NPAS3: variants seen among roughly 807,000 people sequenced by gnomAD.
The protein encoded by NPAS3 is neuronal PAS domain-containing protein 3.
In NPAS3, 14 loss-of-function variants were observed where a neutral mutation model predicts 73.1. The ratio of observed to expected loss-of-function variants is 0.19; its 90% CI spans 0.13 to 0.30. The LOEUF is 0.30. Among genes scored for constraint, NPAS3 ranks in the 10% least tolerant of loss-of-function variants. The pLI is 1.00. For missense variants in NPAS3, 1,096 were observed against 1,250.0 expected (o/e 0.88, Z 1.86); for synonymous variants, 620 against 541.5 (o/e 1.14, Z -2.01).
At chr14:32,944,367 T>A (rs1566786709) in intron 1 of NPAS3, among the ~76,000 whole-genome samples, 1 of 152,222 alleles carries the variant, frequency 6.6e-6, no homozygotes, top group East Asian at 1.9e-4. Context: ...AGGCTGAAAC[T>A]TAGTAAATAA....
At chr14:33,272,724 A>G (rs1350126813) in intron 3 of NPAS3, among the ~76,000 whole-genome samples, 1 of 152,064 alleles carries the variant, frequency 6.6e-6, no homozygotes, top group Non-Finnish European at 1.5e-5. Flanking sequence ...GCCTAATTTT[A>G]TAAGCATTTA....
At chr14:33,801,115 C>T, downstream of NPAS3, 10 of 1,572,122 alleles carry the variant, frequency 6.4e-6, no homozygotes, top group South Asian at 4.7e-5. Flanking sequence ...ACTGAGGCGC[C>T]GCCCGTCCTG....
chr14:32,973,710 T>C (rs1176096279), intron 1 of NPAS3, among the ~76,000 whole-genome samples: 1 of 151,994 alleles, frequency 6.6e-6, no homozygotes, highest in East Asian at 1.9e-4. Context: ...TAATTTTTTG[T>C]ATTTTTAATA....
At chr14:33,215,713 A>G (rs1185581716) in intron 3 of NPAS3, 1 of 633,200 alleles carries the variant, frequency 1.6e-6, no homozygotes, top group African/African-American at 1.8e-5. Context: ...TCTTGGGTTT[A>G]ATGTATGTTT....
intron 4 of NPAS3, among the ~76,000 whole-genome samples, chr14:33,516,833 T>C (rs935491793): frequency 6.6e-6 from 1 of 152,104 alleles, no homozygotes; most frequent in Non-Finnish European, 1.5e-5. Flanking sequence ...GTCTTACCAA[T>C]TGCCCTGCCC....
intron 3 of NPAS3, among the ~76,000 whole-genome samples, chr14:33,284,858 C>T (rs982178973): frequency 1.3e-5 from 2 of 152,020 alleles, no homozygotes; most frequent in African/African-American, 4.8e-5. Context: ...TAAGCTCCCT[C>T]ATTTTGCGGA....
chr14:33,305,736 C>A (rs1336606805), intron 3 of NPAS3, among the ~76,000 whole-genome samples: 1 of 152,114 alleles, frequency 6.6e-6, no homozygotes, highest in Non-Finnish European at 1.5e-5. Context: ...GTTACAGAAT[C>A]TCACTGGATT....
intron 6 of NPAS3, among the ~76,000 whole-genome samples, chr14:33,707,082 C>A (rs925391652): frequency 5.9e-5 from 9 of 152,198 alleles, no homozygotes; most frequent in African/African-American, 2.2e-4. Flanking sequence ...ATTTATTTTA[C>A]ACACTTGGTA....
At chr14:33,553,544 C>T (rs967252067) in intron 4 of NPAS3, among the ~76,000 whole-genome samples, 4 of 152,048 alleles carry the variant, frequency 2.6e-5, no homozygotes, top group African/African-American at 9.7e-5. Context: ...TTAACTAATC[C>T]AATTTGGTGT....
intron 5 of NPAS3, among the ~76,000 whole-genome samples, chr14:33,643,395 A>AC (rs1420773471): frequency 1.4e-5 from 2 of 147,096 alleles, no homozygotes; most frequent in Non-Finnish European, 3.0e-5. Context: ...AAAAAAAAAA[A>AC]AAACGAGAGA....
intron 1 of NPAS3, among the ~76,000 whole-genome samples, chr14:33,016,870 T>G (rs2039415990): frequency 6.6e-6 from 1 of 152,220 alleles, no homozygotes; most frequent in Admixed American, 6.5e-5. Context: ...AAATATTTGC[T>G]GATTTGCATT....
intron 2 of NPAS3, among the ~76,000 whole-genome samples, chr14:33,139,802 A>G (rs1418529392): frequency 6.6e-6 from 1 of 152,214 alleles, no homozygotes; most frequent in Non-Finnish European, 1.5e-5. Context: ...TGTAATAAAC[A>G]GTGCAGATCG....
intron 2 of NPAS3, among the ~76,000 whole-genome samples, chr14:33,145,357 A>C (rs1194651831): frequency 2.0e-5 from 3 of 152,226 alleles, no homozygotes; most frequent in Non-Finnish European, 4.4e-5. Flanking sequence ...GGAAAGTTAG[A>C]AAGTTACAAA....
chr14:33,459,809 T>C (rs2050178031), intron 4 of NPAS3, among the ~76,000 whole-genome samples: 1 of 152,210 alleles, frequency 6.6e-6, no homozygotes, highest in Admixed American at 6.5e-5. Context: ...TCCTTATTTT[T>C]TCATTGGGTG....
At chr14:32,974,683 G>A (rs1463606760) in intron 1 of NPAS3, among the ~76,000 whole-genome samples, 1 of 152,222 alleles carries the variant, frequency 6.6e-6, no homozygotes, top group East Asian at 1.9e-4. Context: ...GCTCTATCAT[G>A]TCTGCTCTCA....
intron 3 of NPAS3, among the ~76,000 whole-genome samples, chr14:33,277,480 T>C (rs1303095403): frequency 6.6e-6 from 1 of 152,124 alleles, no homozygotes. Flanking sequence ...GAGAAGAAAG[T>C]CAACAAATAC....
At chr14:33,559,695 C>A (rs951089865) in intron 4 of NPAS3, among the ~76,000 whole-genome samples, 2 of 152,202 alleles carry the variant, frequency 1.3e-5, no homozygotes, top group Non-Finnish European at 2.9e-5. Flanking sequence ...GATCTTAGGA[C>A]TTTCGTTAAA....
chr14:33,585,767 T>C (rs2056838523), intron 5 of NPAS3, among the ~76,000 whole-genome samples: 1 of 152,158 alleles, frequency 6.6e-6, no homozygotes, highest in African/African-American at 2.4e-5. Context: ...TGCTGGTGCC[T>C]AATGTATTTT....
intron 5 of NPAS3, among the ~76,000 whole-genome samples, chr14:33,567,072 A>G (rs2055991036): frequency 1.3e-5 from 2 of 152,142 alleles, no homozygotes; most frequent in Admixed American, 1.3e-4. Context: ...GGATGTGTGG[A>G]TGTGTATGTC....
Sources: gnomAD v4.1 joint callset for allele counts (sites outside exome capture counted in the v4.1 genomes callset) on GRCh38, gnomAD v4.1.1 for gene constraint, MANE v1.5 for transcripts, NCBI Gene and HGNC (gene_info 2026-07-23, HGNC 2026-07-21) for gene names.